Variants in RUNDC3B observed in about 807,000 individuals in gnomAD.
RUNDC3B encodes RUN domain containing 3B, also known as RUN domain-containing protein 3B.
RUNDC3B carries 33 observed loss-of-function variants against 58.4 expected under a neutral mutation model. The ratio of observed to expected loss-of-function variants is 0.56; its 90% CI spans 0.43 to 0.75. The LOEUF is 0.75. Ranked by LOEUF, RUNDC3B falls within the 30% of genes least tolerant of loss-of-function variation. The probability of loss-of-function intolerance (pLI) is 0.00; values close to 1 mark genes in which losing one functional copy is unlikely to be tolerated. For missense variants in RUNDC3B, 501 were observed against 535.7 expected (o/e 0.94, Z 0.64); for synonymous variants, 193 against 195.2 (o/e 0.99, Z 0.10).
chr7:87,711,155 C>T (rs1830045203), intron 4 of RUNDC3B, among the ~76,000 whole-genome samples: 1 of 151,968 alleles, frequency 6.6e-6, no homozygotes, highest in Non-Finnish European at 1.5e-5. Flanking sequence ...GGATAAACCC[C>T]GTCTCTACTC....
intron 2 of RUNDC3B, among the ~76,000 whole-genome samples, chr7:87,656,429 A>G (rs1253982322): frequency 6.6e-6 from 1 of 152,116 alleles, no homozygotes; most frequent in Non-Finnish European, 1.5e-5. Flanking sequence ...GAGGACTGGA[A>G]CGATGCAGAG....
intron 6 of RUNDC3B, among the ~76,000 whole-genome samples, chr7:87,758,677 G>T (rs978712868): frequency 1.6e-4 from 25 of 152,226 alleles, no homozygotes; most frequent in African/African-American, 5.8e-4. Flanking sequence ...AGATCTAAAT[G>T]GACATTTCTC....
chr7:87,688,706 G>A (rs1243550535), intron 2 of RUNDC3B, among the ~76,000 whole-genome samples: 1 of 151,608 alleles, frequency 6.6e-6, no homozygotes, highest in Non-Finnish European at 1.5e-5. Flanking sequence ...ATTTTTCTTA[G>A]TTCTGTAATG....
chr7:87,727,375 A>G (rs1431606016), intron 4 of RUNDC3B, among the ~76,000 whole-genome samples: 2 of 152,174 alleles, frequency 1.3e-5, no homozygotes, highest in Non-Finnish European at 2.9e-5. Flanking sequence ...ATGGATGCAG[A>G]AAAGGCCTTT....
chr7:87,815,090 C>T lies in RUNDC3B; in HGVS notation c.1104-1051C>T, dbSNP rs10231094. Among the ~76,000 whole-genome samples, 9 of 151,916 alleles carry T rather than the reference C, an allele frequency of 5.9e-5. 1 individual carries two copies. In the South Asian group the frequency reaches 1.9e-3, roughly 32 times the overall value. ...GTTACTAAAGTAAATTCTTTCCCCC[C>T]CTTCCTCCCCATTTTGAATGGAGTC... On this transcript the variant is annotated intron_variant, in intron 9 of 10. Transcript: ENST00000394654.
intron 2 of RUNDC3B, among the ~76,000 whole-genome samples, chr7:87,654,556 C>T (rs2130400024): frequency 6.6e-6 from 1 of 152,098 alleles, no homozygotes; most frequent in East Asian, 1.9e-4. Context: ...AGACCCTTCA[C>T]ACTACAGAAG....
intron 6 of RUNDC3B, among the ~76,000 whole-genome samples, chr7:87,743,792 G>T (rs1584074824): frequency 6.6e-6 from 1 of 152,064 alleles, no homozygotes; most frequent in Non-Finnish European, 1.5e-5. Context: ...TGTTCCTTTT[G>T]CCGTGCAAAA....
At chr7:87,715,921 GGA>G (rs1472398739) in intron 4 of RUNDC3B, among the ~76,000 whole-genome samples, 2 of 151,950 alleles carry the variant, frequency 1.3e-5, no homozygotes, top group African/African-American at 4.8e-5. Flanking sequence ...TCACTGACAA[GGA>G]GAGAATAGAG....
intron 10 of RUNDC3B, among the ~76,000 whole-genome samples, chr7:87,817,860 C>A (rs572013449): frequency 1.3e-5 from 2 of 152,196 alleles, no homozygotes; most frequent in African/African-American, 4.8e-5. Flanking sequence ...AAATAGGCAA[C>A]TTATTAAACA....
intron 1 of RUNDC3B, among the ~76,000 whole-genome samples, chr7:87,643,490 G>T (rs1822657604): frequency 6.6e-6 from 1 of 152,084 alleles, no homozygotes; most frequent in African/African-American, 2.4e-5. Context: ...AAAAGAAAGA[G>T]GAAAATACAC....
intron 10 of RUNDC3B, among the ~76,000 whole-genome samples, chr7:87,820,212 A>G (rs565987828): frequency 3.9e-5 from 6 of 152,336 alleles, no homozygotes; most frequent in African/African-American, 1.2e-4. Flanking sequence ...GGATATCACC[A>G]CCGATCTCAC....
chr7:87,752,660 C>T (rs1165115772), intron 6 of RUNDC3B, among the ~76,000 whole-genome samples: 9 of 152,296 alleles, frequency 5.9e-5, no homozygotes, highest in Admixed American at 5.2e-4. Flanking sequence ...AGTTTATTTG[C>T]ATAGAGGTGT....
At chr7:87,809,687 A>G (rs547265719) in intron 9 of RUNDC3B, among the ~76,000 whole-genome samples, 10 of 152,292 alleles carry the variant, frequency 6.6e-5, no homozygotes, top group African/African-American at 2.4e-4. Context: ...ACCTTATGTA[A>G]AATTAAAGTG....
chr7:87,773,271 G>A (rs1355586162), intron 7 of RUNDC3B, among the ~76,000 whole-genome samples: 14 of 149,866 alleles, frequency 9.3e-5, no homozygotes, highest in East Asian at 2.0e-4. Context: ...TGCAGTGAGC[G>A]GAGATCGCGC....
At chr7:87,754,196 C>T (rs926335558) in intron 6 of RUNDC3B, among the ~76,000 whole-genome samples, 2 of 152,176 alleles carry the variant, frequency 1.3e-5, no homozygotes, top group Non-Finnish European at 2.9e-5. Context: ...GGACATAAAA[C>T]AATCCTCAAC....
rs199925505 is a variant in RUNDC3B at position 87,825,063 on chromosome 7, C to CA, written c.1226-4813dup. Among the ~76,000 whole-genome samples, 1,100 of 150,566 alleles carry CA rather than the reference C, an allele frequency of 7.3e-3. 10 individuals are homozygous for CA. Among genetic ancestry groups the CA allele is most frequent in the East Asian group, 0.049 (250 of 5,122 alleles). ...TGAAACCCTGTCACTACTAAAAATA[C>CA]AAAAAAAAATTAGCTGGGCATGGTG... On this transcript the variant is annotated intron_variant, in intron 10 of 10. Transcript: ENST00000394654.
At chr7:87,803,709 C>A (rs1188613053) in intron 8 of RUNDC3B, among the ~76,000 whole-genome samples, 1 of 152,144 alleles carries the variant, frequency 6.6e-6, no homozygotes, top group Non-Finnish European at 1.5e-5. Flanking sequence ...TTAAGTGTGT[C>A]CTCCACTGCC....
rs559111102 is a variant in RUNDC3B, at chr7:87,652,929, T to C, written c.238+1992T>C. Among the ~76,000 whole-genome samples the C allele has an allele frequency of 1.1e-3, 169 of 152,090 alleles. 1 individual carries two copies. The highest frequency in any genetic ancestry group is 3.9e-3 in the African/African-American group (164 of 41,522). ...ACTTTTCTACAACTACTGGTTATTT[T>C]TGAAGTAAAAGGACATTTGTTTTCA... On this transcript the variant is annotated intron_variant, in intron 2 of 10. Transcript: ENST00000394654.
intron 9 of RUNDC3B, among the ~76,000 whole-genome samples, chr7:87,813,728 C>A (rs1836856051): frequency 6.6e-6 from 1 of 152,054 alleles, no homozygotes; most frequent in African/African-American, 2.4e-5. Flanking sequence ...ACCTGTAATC[C>A]CAGCACTTTG....
Sources: gnomAD v4.1 joint callset for allele counts (sites outside exome capture counted in the v4.1 genomes callset) on GRCh38, gnomAD v4.1.1 for gene constraint, MANE v1.5 for transcripts, NCBI Gene and HGNC (gene_info 2026-07-23, HGNC 2026-07-21) for gene names.